Variants in IL1RAPL2 observed in about 807,000 individuals in gnomAD.
IL1RAPL2 encodes the protein X-linked interleukin-1 receptor accessory protein-like 2.
IL1RAPL2 carries 3 observed loss-of-function variants against 44.1 expected under a neutral mutation model. That is an observed-to-expected ratio of 0.07 (90% CI 0.03 to 0.18). The LOEUF is 0.18. Ranked by LOEUF, IL1RAPL2 falls within the 10% of genes least tolerant of loss-of-function variation. The pLI, the probability that IL1RAPL2 is intolerant of heterozygous loss-of-function variation, is 1.00. For missense variants in IL1RAPL2, 391 were observed against 496.4 expected, an observed-to-expected ratio of 0.79 and a Z score of 2.02; for synonymous variants, 181 against 178.8, an observed-to-expected ratio of 1.01 and a Z score of -0.10.
chrX:104,581,965 A>G (rs1928355147), intron 1 of IL1RAPL2, among the ~76,000 whole-genome samples: 1 of 112,166 alleles, frequency 8.9e-6, no homozygotes, highest in Non-Finnish European at 1.9e-5. Context: ...AGAATAAAGA[A>G]TGGAAGGTAA....
chrX:105,060,258 T>C (rs1244926988), intron 2 of IL1RAPL2, among the ~76,000 whole-genome samples: 1 of 112,142 alleles, frequency 8.9e-6, no homozygotes, highest in African/African-American at 3.2e-5. Flanking sequence ...ACAGCTCTTA[T>C]CGTGTTGAGG....
rs748101220 is a variant in IL1RAPL2, at chrX:105,169,492, C to CTTTTTTTTTTT, written c.83-25963_83-25953dup. Among the ~76,000 whole-genome samples, 97 of 41,561 alleles carry CTTTTTTTTTTT rather than the reference C, an allele frequency of 2.3e-3. 25 individuals are homozygous for CTTTTTTTTTTT. The highest frequency in any genetic ancestry group is 0.012 in the African/African-American group (89 of 7,272). The allele number at this position is 41,561 out of a possible 115,157, so 36.1% of individuals were successfully genotyped here. A position where few individuals can be genotyped will look rare whatever the true frequency, so the allele number is the denominator to read the frequency against. ...TGAGAAACTTTCAGTTTCTTTCTTT[C>CTTTTTTTTTTT]TTTTTTTTTTTTTTTTTTTTTTTTT... On this transcript the variant is annotated intron_variant, in intron 2 of 10. Transcript: ENST00000372582.
chrX:104,956,137 A>G (rs1003877826), intron 2 of IL1RAPL2, among the ~76,000 whole-genome samples: 3 of 112,044 alleles, frequency 2.7e-5, no homozygotes, highest in African/African-American at 9.7e-5. Flanking sequence ...TGGCCCAGCT[A>G]AAGGGTGTAG....
At chrX:105,555,337 T>C (rs1053979661) in intron 6 of IL1RAPL2, among the ~76,000 whole-genome samples, 3 of 111,461 alleles carry the variant, frequency 2.7e-5, no homozygotes, top group Non-Finnish European at 5.7e-5. Context: ...TGACTCCAGG[T>C]GGAAAGCTAA....
chrX:104,971,875 A>T (rs775563237), intron 2 of IL1RAPL2, among the ~76,000 whole-genome samples: 11 of 111,036 alleles, frequency 9.9e-5, no homozygotes, highest in Non-Finnish European at 1.9e-4. Context: ...TCCAATGTAC[A>T]TTCACCCCTG....
chrX:105,350,663 G>T (rs1171551600), intron 5 of IL1RAPL2, among the ~76,000 whole-genome samples: 1 of 112,103 alleles, frequency 8.9e-6, no homozygotes, highest in African/African-American at 3.2e-5. Context: ...GGCAGAGGTT[G>T]CAGTGATCCA....
At chrX:104,815,314 G>A (rs1016494425) in intron 2 of IL1RAPL2, among the ~76,000 whole-genome samples, 1 of 111,120 alleles carries the variant, frequency 9.0e-6, no homozygotes, top group African/African-American at 3.3e-5. Flanking sequence ...ACAAGATGTG[G>A]GCAGGGCTGC....
In IL1RAPL2 at chrX:104,989,498, G is replaced by A. The variant is rs1044360223; in HGVS notation, c.83-205977G>A. Among the ~76,000 whole-genome samples the A allele has an allele frequency of 2.8e-4, 31 of 111,869 alleles. 1 individual carries two copies. The highest frequency in any genetic ancestry group is 1.0e-3 in the African/African-American group (31 of 30,806). On this transcript the variant is annotated intron_variant, in intron 2 of 10. Coordinates refer to ENST00000372582, the MANE Select transcript of IL1RAPL2 (RefSeq NM_017416.2). Reference sequence around the variant, plus strand: ...GTTTGAATCTTCTTTCTGTGCATATGTAGCATATTTTGCTCCCTTGGACTA... The same window carrying A: ...GTTTGAATCTTCTTTCTGTGCATATATAGCATATTTTGCTCCCTTGGACTA...
chrX:105,613,836 A>G (rs1284960759), intron 6 of IL1RAPL2, among the ~76,000 whole-genome samples: 1 of 111,242 alleles, frequency 9.0e-6, no homozygotes, highest in Non-Finnish European at 1.9e-5. Flanking sequence ...AACAACAGAC[A>G]GACTTCTGAG....
At chrX:105,251,345 G>A (rs188399481) in intron 4 of IL1RAPL2, among the ~76,000 whole-genome samples, 1 of 109,719 alleles carries the variant, frequency 9.1e-6, no homozygotes, top group East Asian at 2.8e-4. Flanking sequence ...AATCCCTTTA[G>A]GAAGTGTAAT....
At chrX:104,760,687 G>C (rs1002273477) in intron 2 of IL1RAPL2, among the ~76,000 whole-genome samples, 25 of 111,184 alleles carry the variant, frequency 2.2e-4, no homozygotes, top group Non-Finnish European at 4.3e-4. Flanking sequence ...GTTATTAATT[G>C]CTTGTCAGAT....
chrX:104,945,327 G>C (rs925562747), intron 2 of IL1RAPL2, among the ~76,000 whole-genome samples: 7 of 110,984 alleles, frequency 6.3e-5, no homozygotes, highest in Non-Finnish European at 1.3e-4. Context: ...CTGTTGGTTT[G>C]AGAGTGTTCA....
At chrX:104,766,595 A>G (rs1932558399) in intron 2 of IL1RAPL2, among the ~76,000 whole-genome samples, 1 of 112,323 alleles carries the variant, frequency 8.9e-6, no homozygotes, top group Admixed American at 9.4e-5. Context: ...TGTTCTAAGT[A>G]ATTTGCACAT....
chrX:105,646,789 T>C (rs967997404), intron 6 of IL1RAPL2, among the ~76,000 whole-genome samples: 6 of 112,018 alleles, frequency 5.4e-5, no homozygotes, highest in Admixed American at 2.8e-4. Flanking sequence ...AGCTGCTAAG[T>C]TCTGAATCTG....
intron 2 of IL1RAPL2, among the ~76,000 whole-genome samples, chrX:104,924,370 A>G (rs1229971460): frequency 8.9e-6 from 1 of 111,902 alleles, no homozygotes; most frequent in Non-Finnish European, 1.9e-5. Flanking sequence ...CATTTACAGA[A>G]CATTCTACCC....
At chrX:104,978,344 T>A in intron 2 of IL1RAPL2, among the ~76,000 whole-genome samples, 1 of 111,729 alleles carries the variant, frequency 9.0e-6, no homozygotes, top group Non-Finnish European at 1.9e-5. Context: ...GTAATATTTC[T>A]AAGTTGGTTA....
chrX:104,846,930 C>T (rs775438561), intron 2 of IL1RAPL2, among the ~76,000 whole-genome samples: 3 of 112,226 alleles, frequency 2.7e-5, no homozygotes, highest in East Asian at 2.8e-4. Context: ...TTTTGATTTG[C>T]ATTTCTCTGA....
chrX:105,272,048 C>T (rs1302458862), intron 5 of IL1RAPL2, among the ~76,000 whole-genome samples: 3 of 103,072 alleles, frequency 2.9e-5, no homozygotes, highest in Admixed American at 2.2e-4. Flanking sequence ...AACCAAACAC[C>T]GCATATTCTC....
intron 5 of IL1RAPL2, among the ~76,000 whole-genome samples, chrX:105,289,481 G>A (rs907983679): frequency 8.1e-5 from 9 of 111,640 alleles, no homozygotes; most frequent in African/African-American, 2.6e-4. Flanking sequence ...GATGATTATG[G>A]CTTAAACCAG....
Sources: allele counts gnomAD v4.1 joint callset (sites outside exome capture counted in the v4.1 genomes callset), GRCh38; gene constraint gnomAD v4.1.1; transcripts MANE v1.5; gene names NCBI Gene and HGNC (gene_info 2026-07-23, HGNC 2026-07-21).